The following CNTNAP2 variants were observed in gnomAD, a reference collection of about 807,000 sequenced individuals.
The protein encoded by CNTNAP2 is contactin-associated protein-like 2.
CNTNAP2 carries 98 observed loss-of-function variants against 155.2 expected under a neutral mutation model. That is an observed-to-expected ratio of 0.63 (90% CI 0.54 to 0.75). CNTNAP2 has a LOEUF of 0.75. Ranked by LOEUF, CNTNAP2 falls within the 30% of genes least tolerant of loss-of-function variation. CNTNAP2 has a pLI of 0.00. For missense variants in CNTNAP2, 1,727 were observed against 1,688.1 expected (o/e 1.02, Z -0.40); for synonymous variants, 651 against 631.2 (o/e 1.03, Z -0.47).
chr7:147,586,306 T>C (rs6947944), intron 12 of CNTNAP2, among the ~76,000 whole-genome samples: 104,141 of 151,054 alleles, frequency 0.69, 36,473 homozygotes, highest in African/African-American at 0.81. Flanking sequence ...TTAAGGTCTG[T>C]GTTGATGTTA....
chr7:147,609,356 C>T (rs1043516192), intron 12 of CNTNAP2, among the ~76,000 whole-genome samples: 2 of 151,994 alleles, frequency 1.3e-5, no homozygotes, highest in Non-Finnish European at 2.9e-5. Context: ...ATGGTGAAAC[C>T]CCGTCTCCAC....
intron 21 of CNTNAP2, among the ~76,000 whole-genome samples, chr7:148,367,836 G>A (rs1411711751): frequency 6.6e-6 from 1 of 151,834 alleles, no homozygotes; most frequent in Non-Finnish European, 1.5e-5. Flanking sequence ...TATTTTCTTC[G>A]AGGTGCCACA....
chr7:146,583,003 G>T (rs1217985637), intron 1 of CNTNAP2, among the ~76,000 whole-genome samples: 2 of 151,398 alleles, frequency 1.3e-5, no homozygotes, highest in Non-Finnish European at 2.9e-5. Context: ...ATGGCATTTT[G>T]TTCCCTATGT....
rs530223590 is a variant in CNTNAP2, at chr7:147,488,663, G to T, written c.1777+2622G>T. Among the ~76,000 whole-genome samples, 38 of 152,244 alleles carry T rather than the reference G, an allele frequency of 2.5e-4. 2 individuals are homozygous for T. In the South Asian group the frequency reaches 6.8e-3, roughly 27 times the overall value. On this transcript the variant is annotated intron_variant, in intron 11 of 23. Coordinates refer to ENST00000361727, the MANE Select transcript of CNTNAP2 (RefSeq NM_014141.6). ...TAGCACACCTTCTACACTAGCCCGG[G>T]CTTGGTCAGGATGAGACAGCAGTGC...
intron 1 of CNTNAP2, among the ~76,000 whole-genome samples, chr7:146,547,494 C>T (rs1015020463): frequency 1.3e-5 from 2 of 151,926 alleles, no homozygotes; most frequent in Non-Finnish European, 1.5e-5. Context: ...AACTTACCAT[C>T]CCTCTTCCCT....
At chr7:147,541,212 T>C (rs2116743986) in intron 11 of CNTNAP2, among the ~76,000 whole-genome samples, 1 of 152,304 alleles carries the variant, frequency 6.6e-6, no homozygotes, top group East Asian at 1.9e-4. Context: ...ATATGATATC[T>C]TTGACTCTTA....
intron 10 of CNTNAP2, 45 bp downstream of exon 10, chr7:147,395,825 A>G (rs1796803787): frequency 2.5e-6 from 4 of 1,607,088 alleles, no homozygotes; most frequent in Non-Finnish European, 3.4e-6. Context: ...AAACTTTCCA[A>G]ACCTGTGTTT....
intron 15 of CNTNAP2, among the ~76,000 whole-genome samples, chr7:147,979,861 G>A (rs537128485): frequency 3.3e-5 from 5 of 152,214 alleles, no homozygotes; most frequent in Admixed American, 3.3e-4. Context: ...GACCCCGGGT[G>A]ATCCACACGC....
rs543385108 is a variant in CNTNAP2, at chr7:147,601,676, C to T, written c.1898-37430C>T. 6.9e-3 allele frequency among the ~76,000 whole-genome samples: 953 copies of T among 138,130 alleles called. 31 individuals carry two copies. The East Asian group carries it at 0.09, about 13-fold the overall frequency. 90.6% of individuals were successfully genotyped at this position (138,130 alleles called of 152,430 possible). On this transcript the variant is annotated intron_variant, in intron 12 of 23. Transcript: ENST00000361727. ...ATATATATATATATATATATATATA[C>T]ACACCATCATAGTAACATATCTAGA...
chr7:146,974,737 A>C (rs1584760041), intron 3 of CNTNAP2, among the ~76,000 whole-genome samples: 1 of 152,130 alleles, frequency 6.6e-6, no homozygotes, highest in African/African-American at 2.4e-5. Context: ...AGTGGCTCAC[A>C]CCTGTAATCC....
chr7:146,670,527 TA>T (rs1181478523), intron 1 of CNTNAP2, among the ~76,000 whole-genome samples: 2 of 152,196 alleles, frequency 1.3e-5, no homozygotes, highest in African/African-American at 4.8e-5. Context: ...AGACTCGGAT[TA>T]AAAAATATAC....
At chr7:146,360,856 C>T (rs1265743255) in intron 1 of CNTNAP2, among the ~76,000 whole-genome samples, 1 of 152,146 alleles carries the variant, frequency 6.6e-6, no homozygotes, top group African/African-American at 2.4e-5. Context: ...CTTGAAGTGG[C>T]ACTTATTTCC....
chr7:147,157,897 G>A (rs1459301808), intron 8 of CNTNAP2, among the ~76,000 whole-genome samples: 15 of 151,990 alleles, frequency 9.9e-5, no homozygotes, highest in Admixed American at 9.8e-4. Context: ...TCTTATTGAT[G>A]TTTTTATTAT....
chr7:146,622,440 G>A (rs1585011443), intron 1 of CNTNAP2, among the ~76,000 whole-genome samples: 1 of 151,736 alleles, frequency 6.6e-6, no homozygotes, highest in South Asian at 2.1e-4. Context: ...ATTGTGCAAG[G>A]GGATATATGT....
At chr7:146,187,226 C>T (rs879280098) in intron 1 of CNTNAP2, among the ~76,000 whole-genome samples, 1 of 152,112 alleles carries the variant, frequency 6.6e-6, no homozygotes, top group Admixed American at 6.5e-5. Flanking sequence ...GTGAGTAGAA[C>T]ATGAAAGAAC....
intron 1 of CNTNAP2, among the ~76,000 whole-genome samples, chr7:146,154,847 T>A (rs1275380403): frequency 6.6e-6 from 1 of 152,172 alleles, no homozygotes; most frequent in Non-Finnish European, 1.5e-5. Flanking sequence ...GAAGAGGGTA[T>A]TCCTTCCCTT....
At chr7:146,971,063 G>T (rs1416812893) in intron 3 of CNTNAP2, among the ~76,000 whole-genome samples, 3 of 152,014 alleles carry the variant, frequency 2.0e-5, no homozygotes, top group African/African-American at 7.2e-5. Context: ...GACTGTTGTG[G>T]GGTTGGAGGG....
chr7:146,411,599 A>G (rs1795865454), intron 1 of CNTNAP2, among the ~76,000 whole-genome samples: 1 of 152,116 alleles, frequency 6.6e-6, no homozygotes, highest in African/African-American at 2.4e-5. Flanking sequence ...CGCCATAAAT[A>G]TGTATAATTT....
chr7:147,982,066 T>C (rs1232545122), intron 15 of CNTNAP2, among the ~76,000 whole-genome samples: 2 of 152,226 alleles, frequency 1.3e-5, no homozygotes, highest in East Asian at 1.9e-4. Flanking sequence ...TCTTTGCAGA[T>C]GGCTGCCAAA....
Sources: allele counts gnomAD v4.1 joint callset (sites outside exome capture counted in the v4.1 genomes callset), GRCh38; gene constraint gnomAD v4.1.1; transcripts MANE v1.5; gene names NCBI Gene and HGNC (gene_info 2026-07-23, HGNC 2026-07-21).